Variants in HAPLN2 observed in about 807,000 individuals in gnomAD.
HAPLN2 encodes hyaluronan and proteoglycan link protein 2.
A neutral mutation model predicts 29.3 loss-of-function variants in HAPLN2; 27 were observed. The ratio of observed to expected loss-of-function variants is 0.92; its 90% CI spans 0.68 to 1.27. The LOEUF (loss-of-function observed/expected upper bound fraction) is 1.27, where lower values mean the gene tolerates loss of function less well. Among genes scored for constraint, HAPLN2 ranks in the 50% most tolerant of loss-of-function variants. HAPLN2 has a pLI of 0.00. For synonymous variants in HAPLN2, 208 were observed against 211.7 expected, an observed-to-expected ratio of 0.98 and a Z score of 0.15; for missense variants, 454 against 484.3, an observed-to-expected ratio of 0.94 and a Z score of 0.59.
At chr1:156,609,403 C>G in the HAPLN2 span, among the ~76,000 whole-genome samples, 1 of 152,204 alleles carries the variant, frequency 6.6e-6, no homozygotes, top group Non-Finnish European at 1.5e-5. Context: ...GTCATTTTCT[C>G]TATGTGGTAG....
chr1:156,605,378 G>A, the HAPLN2 span, among the ~76,000 whole-genome samples: 2 of 151,814 alleles, frequency 1.3e-5, no homozygotes, highest in Non-Finnish European at 2.9e-5. Flanking sequence ...GATTACCTGA[G>A]GTTGGGAGTT....
the HAPLN2 span, among the ~76,000 whole-genome samples, chr1:156,604,329 T>C: frequency 6.6e-6 from 1 of 151,016 alleles, no homozygotes; most frequent in African/African-American, 2.4e-5. Context: ...ACAGAGTCTC[T>C]ATCGCCAGGC....
Position 156,624,679 on chromosome 1 carries a change from G to A in HAPLN2, c.635G>A (p.Arg212His). 6.2e-7 allele frequency: 1 copy of A among 1,604,158 alleles called. No homozygotes were observed. Among genetic ancestry groups the A allele is most frequent in the Non-Finnish European group, 8.5e-7 (1 of 1,176,936 alleles). ...GTGCGCTACCCTGTGCTCACCGCAC[G>A]CGCCCCGTGCGGCGGCCGAGGCCGG... ...GSVRYPVLTARAPCGGRGRPG... is the reference protein window; with the variant it reads ...GSVRYPVLTAHAPCGGRGRPG... The change falls in exon 6 of 7, where the codon CGC (arginine) becomes CAC (histidine). Residue 212 changes from arginine (R) to histidine (H), a missense_variant. Transcript: ENST00000255039.
chr1:156,612,748 AGTTCATAGCTG>A, the HAPLN2 span, among the ~76,000 whole-genome samples: 4 of 152,156 alleles, frequency 2.6e-5, no homozygotes, highest in African/African-American at 9.7e-5. Flanking sequence ...TTCATCTTGG[AGTTCATAGCTG>A]GTTCCTTGCA....
In HAPLN2 at chr1:156,624,793, G is replaced by A. The variant is rs762197289; in HGVS notation, c.739+10G>A. On this transcript the variant is annotated intron_variant, in intron 6 of 6. Transcript: ENST00000255039. ...ACCTCCGCGCTGGCGGGTGAGGCGC[G>A]GGACGAAGGCAGGGTCTTGGGGAGG... is the stretch of plus-strand genomic sequence containing the variant. 5.4e-6 allele frequency: 8 copies of A among 1,488,064 alleles called. No homozygotes were observed. The highest frequency in any genetic ancestry group is 7.1e-6 in the Non-Finnish European group (8 of 1,127,050). The allele number at this position is 1,488,064 out of a possible 1,614,324, so 92.2% of individuals were successfully genotyped here.
upstream of HAPLN2, among the ~76,000 whole-genome samples, chr1:156,616,671 T>C (rs1044048879): frequency 2.0e-5 from 3 of 152,200 alleles, no homozygotes; most frequent in African/African-American, 7.2e-5. Context: ...CAGGGTGTCC[T>C]GTCCAAGGAG....
chr1:156,623,777 G>T (rs1678335820), intron 3 of HAPLN2, 30 bp from the exon 4 acceptor site: 5 of 1,474,104 alleles, frequency 3.4e-6, no homozygotes, highest in Non-Finnish European at 3.6e-6. Flanking sequence ...AGGATTGGGG[G>T]TTCCTGCCAC....
At chr1:156,617,054 C>T (rs1678073782), upstream of HAPLN2, among the ~76,000 whole-genome samples, 1 of 151,698 alleles carries the variant, frequency 6.6e-6, no homozygotes, top group Admixed American at 6.6e-5. Flanking sequence ...CGTATCACTG[C>T]ACTCCAGCCT....
At chr1:156,612,319 C>T in the HAPLN2 span, among the ~76,000 whole-genome samples, 5 of 152,144 alleles carry the variant, frequency 3.3e-5, no homozygotes, top group East Asian at 1.9e-4. Flanking sequence ...CCACCGCGCC[C>T]GCCAGTAAAC....
At chr1:156,621,102 AT>A (rs10653107) in intron 2 of HAPLN2, among the ~76,000 whole-genome samples, 166 of 126,078 alleles carry the variant, frequency 1.3e-3, no homozygotes, top group East Asian at 2.8e-3. Context: ...AGAAGTCTTC[AT>A]TTTTTTTTTT....
chr1:156,605,277 AAAAG>A, the HAPLN2 span, among the ~76,000 whole-genome samples: 9 of 151,690 alleles, frequency 5.9e-5, no homozygotes, highest in Admixed American at 4.6e-4. Context: ...AAAAGAAAAA[AAAAG>A]AGAGAGAAAA....
rs746145484 is a variant in HAPLN2 at position 156,624,738 on chromosome 1, A to G, written c.694A>G (p.Met232Val). The G allele has an allele frequency of 5.1e-6, 8 of 1,557,216 alleles. No homozygotes were observed. The highest frequency in any genetic ancestry group is 5.2e-6 in the Non-Finnish European group (6 of 1,160,022). Residue 232 changes from methionine to valine, a missense_variant, in exon 6 of 7, where the codon ATG becomes GTG. This residue lies in a region of HAPLN2 where 235 missense variants were observed against 236.9 expected (regional missense o/e 0.99). Coordinates refer to ENST00000255039, the MANE Select transcript of HAPLN2 (RefSeq NM_021817.3). ...GIRSYGPRDR[M>V]RDRYDAFCFT... ...CCGCAGCTACGGACCCCGCGACCGG[A>G]TGCGCGACCGCTACGACGCCTTCTG...
At chr1:156,602,686 A>G in the HAPLN2 span, among the ~76,000 whole-genome samples, 2 of 151,750 alleles carry the variant, frequency 1.3e-5, no homozygotes, top group African/African-American at 4.8e-5. Flanking sequence ...CCAGAAAAAA[A>G]AAAAGCAGGA....
At chr1:156,616,333 C>T (rs541537859), upstream of HAPLN2, among the ~76,000 whole-genome samples, 1 of 152,288 alleles carries the variant, frequency 6.6e-6, no homozygotes, top group South Asian at 2.1e-4. Context: ...TGAAAGTGAC[C>T]TTGAGTAAAC....
chr1:156,607,245 C>T, the HAPLN2 span, among the ~76,000 whole-genome samples: 3 of 151,840 alleles, frequency 2.0e-5, no homozygotes, highest in Non-Finnish European at 2.9e-5. Context: ...TTTGGGAGGC[C>T]GAGGTGGGTG....
the HAPLN2 span, among the ~76,000 whole-genome samples, chr1:156,608,191 G>C: frequency 6.6e-6 from 1 of 152,186 alleles, no homozygotes; most frequent in Non-Finnish European, 1.5e-5. Flanking sequence ...TACAAATAGG[G>C]GCCGACAGAG....
At chr1:156,621,574 T>C (rs570812170) in intron 2 of HAPLN2, among the ~76,000 whole-genome samples, 2 of 151,844 alleles carry the variant, frequency 1.3e-5, no homozygotes, top group East Asian at 3.9e-4. Flanking sequence ...CTGTTTCTAC[T>C]ACAAATACAA....
intron 3 of HAPLN2, 85 bp from the exon 4 acceptor site, chr1:156,623,722 A>G: frequency 6.7e-7 from 1 of 1,486,660 alleles, no homozygotes; most frequent in Non-Finnish European, 8.9e-7. Context: ...GGGGCTCTGG[A>G]GAAAGCATTT....
chr1:156,605,101 ACT>A, the HAPLN2 span, among the ~76,000 whole-genome samples: 1 of 151,776 alleles, frequency 6.6e-6, no homozygotes, highest in African/African-American at 2.4e-5. Flanking sequence ...CCCCGTCTCT[ACT>A]AAAACTACAA....
Sources: gnomAD v4.1 joint callset for allele counts (sites outside exome capture counted in the v4.1 genomes callset) on GRCh38, gnomAD v4.1.1 for gene constraint, gnomAD v4.1.1 regional missense constraint, MANE v1.5 for transcripts, NCBI Gene and HGNC (gene_info 2026-07-23, HGNC 2026-07-21) for gene names.